CYP11A1: variants seen among roughly 807,000 people sequenced by gnomAD.
CYP11A1 encodes cytochrome P450 family 11 subfamily A member 1.
In CYP11A1, 25 loss-of-function variants were observed where a neutral mutation model predicts 51.9. That is an observed-to-expected ratio of 0.48 (90% CI 0.35 to 0.67). The LOEUF (loss-of-function observed/expected upper bound fraction) is 0.67. Ranked by LOEUF, CYP11A1 falls within the 30% of genes least tolerant of loss-of-function variation. The pLI is 0.00. For missense variants in CYP11A1, 578 were observed against 680.9 expected (o/e 0.85, Z 1.68); for synonymous variants, 245 against 262.1 (o/e 0.93, Z 0.63).
intron 1 of CYP11A1, among the ~76,000 whole-genome samples, chr15:74,356,043 G>A (rs1162630876): frequency 2.0e-5 from 3 of 152,224 alleles, no homozygotes; most frequent in Non-Finnish European, 2.9e-5. Flanking sequence ...TACAATAATA[G>A]AAAGGAGGCA....
intron 1 of CYP11A1, among the ~76,000 whole-genome samples, chr15:74,358,320 TATCA>T: frequency 6.6e-6 from 1 of 152,206 alleles, no homozygotes. Context: ...AACTTCCACC[TATCA>T]ATCTCTTCCC....
At chr15:74,366,071 C>T in intron 1 of CYP11A1, 1 of 985,582 alleles carries the variant, frequency 1.0e-6, no homozygotes. Context: ...TGGGCTCGGG[C>T]TGTGTCGAGG....
chr15:74,338,065 G>A lies in CYP11A1; in HGVS notation c.1473C>T (p.Ser491=), dbSNP rs764433725. 1.2e-5 allele frequency: 20 copies of A among 1,614,018 alleles called. No individual in the cohort carries two copies. Among genetic ancestry groups the A allele is most frequent in the Non-Finnish European group, 1.7e-5 (20 of 1,179,968 alleles). The change falls in exon 9 of 9, where the codon AGC becomes AGT. Residue 491 remains serine, a synonymous_variant. Coordinates refer to ENST00000268053, the MANE Select transcript of CYP11A1 (RefSeq NM_000781.3). ...ENFRVEIQHL[S]DVGTTFNLIL... is the part of the protein sequence containing the mutation. The stretch of plus-strand genomic sequence containing the variant: ...TGAGGTTGAATGTGGTGCCCACATC[G>A]CTGAGGTGTTGGATTTCAACTCTGA...
chr15:74,342,979 T>C lies in CYP11A1; in HGVS notation c.988A>G (p.Thr330Ala). ...TGCCGCCCCTACAGCCACCTCACCG[T>C]GTCCACCCCTCCTGCCAGCATCTCT... ...VTEMLAGGVD[T>A]TSMTLQWHLY... Residue 330 changes from threonine (T) to alanine (A), a missense_variant and splice_region_variant, in exon 5 of 9, where the codon ACG becomes GCG. Physicochemically the swap from Thr to Ala is moderately conservative, Grantham distance 58. Coordinates refer to ENST00000268053, the MANE Select transcript of CYP11A1 (RefSeq NM_000781.3). The C allele has an allele frequency of 6.2e-7, 1 of 1,612,302 alleles. No homozygotes were observed. The highest frequency in any genetic ancestry group is 8.5e-7 in the Non-Finnish European group (1 of 1,180,002).
In CYP11A1 at chr15:74,345,761, C is replaced by T. The variant is rs1382174977; in HGVS notation, c.426-518G>A. On this transcript the variant is annotated intron_variant, in intron 2 of 8. Coordinates refer to ENST00000268053, the MANE Select transcript of CYP11A1 (RefSeq NM_000781.3). This position sits in a 1 kb window ranked among gnomAD's most constrained non-coding sequence, Gnocchi z 4.3. ...CTCAGGTGCCCCGAACTGGGTTGGT[C>T]ATAATAAACCTTAATTCATGCACAC... Among the ~76,000 whole-genome samples the T allele has an allele frequency of 6.6e-6, 1 of 152,208 alleles. No individual in the cohort carries two copies. Among genetic ancestry groups the T allele is most frequent in the African/African-American group, 2.4e-5 (1 of 41,458 alleles).
chr15:74,344,381 G>T (rs551468295), intron 3 of CYP11A1, among the ~76,000 whole-genome samples: 27 of 152,164 alleles, frequency 1.8e-4, no homozygotes, highest in Non-Finnish European at 4.0e-4. Context: ...GAGACTGAGG[G>T]TCATAAATCC....
intron 5 of CYP11A1, among the ~76,000 whole-genome samples, chr15:74,342,271 A>G (rs1389838296): frequency 6.6e-6 from 1 of 152,048 alleles, no homozygotes; most frequent in Non-Finnish European, 1.5e-5. Flanking sequence ...TTTAGTAGAG[A>G]TGGGGTTTCA....
At chr15:74,350,885 C>G (rs1371044921) in intron 1 of CYP11A1, 1 of 152,194 alleles carries the variant, frequency 6.6e-6, no homozygotes, top group Non-Finnish European at 1.5e-5. Context: ...ACACCAAGAA[C>G]CTGGACACCC....
intron 8 of CYP11A1, 166 bp downstream of exon 8, chr15:74,338,405 G>A (rs2060589513): frequency 3.8e-6 from 3 of 787,138 alleles, no homozygotes; most frequent in South Asian, 1.5e-5. Context: ...CCCGAAAGAG[G>A]GGGCAGCAGA....
intron 5 of CYP11A1, among the ~76,000 whole-genome samples, chr15:74,341,146 G>A (rs986364978): frequency 6.6e-6 from 1 of 152,162 alleles, no homozygotes; most frequent in East Asian, 1.9e-4. Context: ...GAAAAAGGGG[G>A]ATGATGGTAA....
intron 1 of CYP11A1, chr15:74,361,505 G>A (rs747325438): frequency 2.6e-5 from 15 of 566,692 alleles, no homozygotes; most frequent in South Asian, 9.0e-5. Context: ...ATAACCTGTC[G>A]CTTTGCAGAT....
At chr15:74,359,896 C>T (rs112232627) in intron 1 of CYP11A1, among the ~76,000 whole-genome samples, 5 of 152,132 alleles carry the variant, frequency 3.3e-5, no homozygotes, top group East Asian at 1.9e-4. Flanking sequence ...GTAGAAGTCA[C>T]GTATATCTCC....
At chr15:74,348,293 A>C in intron 1 of CYP11A1, 1 of 559,230 alleles carries the variant, frequency 1.8e-6, no homozygotes. Flanking sequence ...TTTGTTAAAC[A>C]TTCTACAAGT....
chr15:74,359,066 C>A (rs2060694909), intron 1 of CYP11A1, among the ~76,000 whole-genome samples: 1 of 152,188 alleles, frequency 6.6e-6, no homozygotes, highest in Admixed American at 6.5e-5. Flanking sequence ...TCCTTTAATA[C>A]CTGTTTTTCT....
chr15:74,344,379 G>A (rs1372416649), intron 3 of CYP11A1, among the ~76,000 whole-genome samples: 1 of 152,126 alleles, frequency 6.6e-6, no homozygotes, highest in Admixed American at 6.5e-5. Flanking sequence ...AGGAGACTGA[G>A]GGTCATAAAT....
chr15:74,342,958 G>A lies in CYP11A1; in HGVS notation c.990+19C>T, dbSNP rs373660850. The A allele has an allele frequency of 5.9e-5, 95 of 1,611,896 alleles. No individual in the cohort carries two copies. The highest frequency in any genetic ancestry group is 2.4e-4 in the South Asian group (22 of 90,980). On this transcript the variant is annotated intron_variant, in intron 5 of 8. Transcript: ENST00000268053. Reference sequence around the variant, plus strand: ...TGGGCACAGGGGGCAACAAGGTGCCGCCCCTACAGCCACCTCACCGTGTCC... The same window carrying A: ...TGGGCACAGGGGGCAACAAGGTGCCACCCCTACAGCCACCTCACCGTGTCC...
intron 1 of CYP11A1, among the ~76,000 whole-genome samples, chr15:74,356,884 A>G (rs2060682974): frequency 6.6e-6 from 1 of 152,104 alleles, no homozygotes; most frequent in African/African-American, 2.4e-5. Context: ...ATCCCATTAA[A>G]ACCTAATCAC....
At chr15:74,365,654 C>T (rs1340535345) in intron 1 of CYP11A1, 1 of 983,330 alleles carries the variant, frequency 1.0e-6, no homozygotes, top group African/African-American at 1.7e-5. Context: ...TACCCACCAC[C>T]ATCCCAGGCC....
intron 1 of CYP11A1, 97 bp downstream of exon 1, chr15:74,367,220 C>T (rs888315617): frequency 3.6e-6 from 5 of 1,375,960 alleles, no homozygotes; most frequent in Non-Finnish European, 5.1e-6. Context: ...AGTTTGGAAC[C>T]AGAGAACAGC....
Sources: allele counts gnomAD v4.1 joint callset (sites outside exome capture counted in the v4.1 genomes callset), GRCh38; gene constraint gnomAD v4.1.1; non-coding constraint Gnocchi (gnomAD v3.1); transcripts MANE v1.5; gene names NCBI Gene and HGNC (gene_info 2026-07-23, HGNC 2026-07-21).